Variants in TBCA observed in about 807,000 individuals in gnomAD.
TBCA encodes the protein tubulin-specific chaperone A.
TBCA carries 6 observed loss-of-function variants against 15.8 expected under a neutral mutation model. The ratio of observed to expected loss-of-function variants is 0.38; its 90% CI spans 0.21 to 0.75. The LOEUF is 0.75. Among genes scored for constraint, TBCA ranks in the 30% least tolerant of loss-of-function variants. The pLI, the probability that TBCA is intolerant of heterozygous loss-of-function variation, is 0.46. For missense variants in TBCA, 90 were observed against 131.2 expected (o/e 0.69, Z 1.53); for synonymous variants, 32 against 42.3 (o/e 0.76, Z 0.94).
At chr5:77,703,492 A>G (rs1478233914) in intron 2 of TBCA, among the ~76,000 whole-genome samples, 1 of 152,240 alleles carries the variant, frequency 6.6e-6, no homozygotes, top group African/African-American at 2.4e-5. Flanking sequence ...CAGAAAATAA[A>G]AAAAGACAGA....
In TBCA at chr5:77,752,651, C is replaced by A. The variant is rs1358632921; in HGVS notation, c.53+23554G>T. 1.7e-5 allele frequency among the ~76,000 whole-genome samples: 2 copies of A among 116,414 alleles called. 1 individual carries two copies. The highest frequency in any genetic ancestry group is 3.8e-5 in the Non-Finnish European group (2 of 52,558). The allele number at this position is 116,414 out of a possible 152,430, so 76.4% of individuals were successfully genotyped here. ...TCGGCTCACTGCAAGCTCCGCTTCC[C>A]GGGTTCACGCCATTCTCCTGCCTCA... On this transcript the variant is annotated intron_variant, in intron 1 of 3. Coordinates refer to ENST00000380377, the MANE Select transcript of TBCA (RefSeq NM_004607.3).
intron 2 of TBCA, chr5:77,694,201 G>C (rs1745822251): frequency 6.6e-6 from 1 of 152,182 alleles, no homozygotes; most frequent in African/African-American, 2.4e-5. Context: ...GCAAAGACCA[G>C]CAGGTTCATA....
chr5:77,761,513 A>G (rs1468651622), intron 1 of TBCA, among the ~76,000 whole-genome samples: 9 of 151,816 alleles, frequency 5.9e-5, no homozygotes, highest in Non-Finnish European at 8.8e-5. Context: ...GGCCACAGGG[A>G]CGTCTGCCTA....
chr5:77,754,445 A>C (rs1356952813), intron 1 of TBCA, among the ~76,000 whole-genome samples: 1 of 152,216 alleles, frequency 6.6e-6, no homozygotes, highest in Non-Finnish European at 1.5e-5. Context: ...CATTTAATGA[A>C]ATATTCAGTA....
At chr5:77,718,870 C>G (rs1746466390) in intron 1 of TBCA, among the ~76,000 whole-genome samples, 1 of 152,168 alleles carries the variant, frequency 6.6e-6, no homozygotes, top group South Asian at 2.1e-4. Flanking sequence ...CAAAACTTAA[C>G]TCAAATAAAT....
chr5:77,696,214 C>T (rs1745868300), intron 2 of TBCA, among the ~76,000 whole-genome samples: 1 of 152,142 alleles, frequency 6.6e-6, no homozygotes, highest in African/African-American at 2.4e-5. Context: ...TCAATAGATA[C>T]TCTAATATTG....
At chr5:77,737,538 T>G (rs1172949615) in intron 1 of TBCA, among the ~76,000 whole-genome samples, 1 of 152,202 alleles carries the variant, frequency 6.6e-6, no homozygotes, top group African/African-American at 2.4e-5. Context: ...TCAACTACTT[T>G]GTAATGTAAT....
chr5:77,705,671 T>A (rs1746134022), intron 2 of TBCA: 2 of 397,128 alleles, frequency 5.0e-6, no homozygotes, highest in African/African-American at 2.1e-5. Flanking sequence ...CTATAAAAAA[T>A]TTAAAAATTG....
chr5:77,749,614 TATAA>T (rs1389049296), intron 1 of TBCA, among the ~76,000 whole-genome samples: 2 of 152,238 alleles, frequency 1.3e-5, no homozygotes, highest in African/African-American at 4.8e-5. Flanking sequence ...TTAGTAGAAC[TATAA>T]ATAGTCAATA....
At chr5:77,711,466 G>T (rs1180388050) in intron 1 of TBCA, among the ~76,000 whole-genome samples, 2 of 152,100 alleles carry the variant, frequency 1.3e-5, no homozygotes. Context: ...TTGAAGAGAG[G>T]ATAAGGTTGT....
chr5:77,750,421 G>C (rs1747296200), intron 1 of TBCA, among the ~76,000 whole-genome samples: 1 of 151,952 alleles, frequency 6.6e-6, no homozygotes, highest in African/African-American at 2.4e-5. Context: ...CCTGACTCAC[G>C]AAGTTTATAC....
chr5:77,747,052 C>G (rs1747202473), intron 1 of TBCA, among the ~76,000 whole-genome samples: 1 of 152,070 alleles, frequency 6.6e-6, no homozygotes, highest in Admixed American at 6.6e-5. Context: ...CTATTATACT[C>G]TAATGTGGAG....
intron 1 of TBCA, among the ~76,000 whole-genome samples, chr5:77,747,795 T>C (rs1400134683): frequency 6.6e-6 from 1 of 152,188 alleles, no homozygotes; most frequent in African/African-American, 2.4e-5. Context: ...ATTCGTGTTT[T>C]TGTTTAGATT....
At chr5:77,734,771 TAC>T (rs1746858328) in intron 1 of TBCA, among the ~76,000 whole-genome samples, 1 of 152,224 alleles carries the variant, frequency 6.6e-6, no homozygotes, top group Non-Finnish European at 1.5e-5. Flanking sequence ...CACTGCATGC[TAC>T]AGACAAATCG....
rs569170687 is a variant in TBCA at position 77,712,108 on chromosome 5, G to A, written c.54-3761C>T. Among the ~76,000 whole-genome samples, 10 of 152,214 alleles carry A rather than the reference G, an allele frequency of 6.6e-5. No homozygotes were observed. The East Asian group carries it at 1.7e-3, about 26-fold the overall frequency. ...CTTAAACAGTACAAATCAATGTACT[G>A]ATGACAAGTCAGATGATGCTAAAGA... On this transcript the variant is annotated intron_variant, in intron 1 of 3. Transcript: ENST00000380377.
chr5:77,731,504 T>C (rs1746768925), intron 1 of TBCA, among the ~76,000 whole-genome samples: 1 of 152,224 alleles, frequency 6.6e-6, no homozygotes, highest in Admixed American at 6.5e-5. Context: ...ATTTTAAGTG[T>C]CATCCAATCC....
intron 2 of TBCA, among the ~76,000 whole-genome samples, chr5:77,702,673 C>T (rs1428629564): frequency 1.3e-5 from 2 of 152,186 alleles, no homozygotes; most frequent in East Asian, 1.9e-4. Flanking sequence ...TGTGCTAAGG[C>T]AAACTTCATG....
chr5:77,746,631 G>C (rs368434591), intron 1 of TBCA, among the ~76,000 whole-genome samples: 13 of 151,966 alleles, frequency 8.6e-5, no homozygotes, highest in East Asian at 5.8e-4. Flanking sequence ...TGAATATTTT[G>C]TTTCTTTTTT....
chr5:77,693,001 A>T, intron 3 of TBCA: 1 of 1,410,910 alleles, frequency 7.1e-7, no homozygotes, highest in Non-Finnish European at 9.2e-7. Context: ...GCTGGACAAT[A>T]CTGGTACTAT....
Sources: gnomAD v4.1 joint callset for allele counts (sites outside exome capture counted in the v4.1 genomes callset) on GRCh38, gnomAD v4.1.1 for gene constraint, MANE v1.5 for transcripts, NCBI Gene and HGNC (gene_info 2026-07-23, HGNC 2026-07-21) for gene names.